PFKL: variants seen among roughly 807,000 people sequenced by gnomAD.
PFKL encodes the protein phosphofructokinase, liver type.
In PFKL, 74 loss-of-function variants were observed where a neutral mutation model predicts 92.1. The observed-to-expected ratio is 0.80, with a 90% confidence interval of 0.67 to 0.97. PFKL has a LOEUF of 0.97. Among genes scored for constraint, PFKL ranks in the 50% least tolerant of loss-of-function variants. The pLI is 0.00. For synonymous variants in PFKL, 494 were observed against 456.4 expected (o/e 1.08, Z -1.05); for missense variants, 1,028 against 1,116.6 (o/e 0.92, Z 1.13).
At chr21:44,306,026 G>T in intron 1 of PFKL, 1 of 1,021,968 alleles carries the variant, frequency 9.8e-7, no homozygotes, top group Non-Finnish European at 1.3e-6. Context: ...CCATCTCATT[G>T]CGGAGGAAGG....
At chr21:44,308,276 G>A (rs1277959118) in intron 2 of PFKL, among the ~76,000 whole-genome samples, 5 of 152,190 alleles carry the variant, frequency 3.3e-5, no homozygotes, top group African/African-American at 1.2e-4. Flanking sequence ...AGGCAAGGCT[G>A]AGAGCTTCCC....
Position 44,326,923 on chromosome 21 carries a change from A to G in PFKL, c.*61A>G. The G allele has an allele frequency of 6.8e-7, 1 of 1,474,598 alleles. No homozygotes were observed. Among genetic ancestry groups the G allele is most frequent in the Non-Finnish European group, 9.3e-7 (1 of 1,075,680 alleles). 91.3% of individuals were successfully genotyped at this position (1,474,598 alleles called of 1,614,324 possible). A position where few individuals can be genotyped will look rare whatever the true frequency, so the allele number is the denominator to read the frequency against. ...CCATGCCAGCGCAGCGCCAGGGCTC[A>G]GATGGGGCCTGGGCTGTTGTGTCTG... On this transcript the variant is annotated 3_prime_UTR_variant, in exon 22 of 22. Transcript: ENST00000349048.
chr21:44,323,850 A>G lies in PFKL; in HGVS notation c.1582A>G (p.Ile528Val), dbSNP rs760164686. Residue 528 changes from isoleucine to valine, a missense_variant, in exon 16 of 22, where the codon ATC becomes GTC. Ile to Val is a conservative substitution (Grantham distance 29). Transcript: ENST00000349048. The part of the protein sequence containing the change: ...CIVMCVIPAT[I>V]SNNVPGTDFS... Reference sequence around the variant, plus strand: ...CGTCATGTGTGTCATCCCAGCCACCATCAGCAACAACGTCCCTGGCACCGA... The same window carrying G: ...CGTCATGTGTGTCATCCCAGCCACCGTCAGCAACAACGTCCCTGGCACCGA... The G allele has an allele frequency of 6.2e-7, 1 of 1,613,562 alleles. No homozygotes were observed. The highest frequency in any genetic ancestry group is 8.5e-7 in the Non-Finnish European group (1 of 1,179,960).
chr21:44,318,104 C>T (rs2047257322), intron 9 of PFKL, among the ~76,000 whole-genome samples: 1 of 152,254 alleles, frequency 6.6e-6, no homozygotes, highest in Admixed American at 6.5e-5. Flanking sequence ...GAAGTCACGA[C>T]ATGAGGGCCT....
intron 1 of PFKL, among the ~76,000 whole-genome samples, chr21:44,303,212 G>A (rs1209669699): frequency 2.0e-5 from 3 of 150,124 alleles, no homozygotes; most frequent in East Asian, 1.9e-4. Flanking sequence ...TAGCCTGGGC[G>A]ACAGAGCGAG....
At chr21:44,318,924 T>G (rs921924876) in intron 10 of PFKL, among the ~76,000 whole-genome samples, 4 of 151,716 alleles carry the variant, frequency 2.6e-5, no homozygotes, top group South Asian at 2.1e-4. Flanking sequence ...GAGGGGCCAG[T>G]GATCAGAGCA....
Position 44,326,856 on chromosome 21 carries a change from C to T in PFKL, c.2337C>T (p.Gly779=). Residue 779 remains glycine, a synonymous_variant, in exon 22 of 22, where the codon GGC becomes GGT. Coordinates refer to ENST00000349048, the MANE Select transcript of PFKL (RefSeq NM_002626.6). The part of the protein sequence containing the change: ...VTRRTLSMDK[G]F ...GCCGCACCCTGAGCATGGACAAGGG[C>T]TTCTGAGGCCAGCCATGCCCACGCC... 4.4e-6 allele frequency: 7 copies of T among 1,607,746 alleles called. No homozygotes were observed. The highest frequency in any genetic ancestry group is 2.7e-5 in the African/African-American group (2 of 74,942).
At chr21:44,300,349 C>T (rs2040735676) in intron 1 of PFKL, among the ~76,000 whole-genome samples, 159 bp downstream of exon 1, 1 of 151,790 alleles carries the variant, frequency 6.6e-6, no homozygotes, top group Non-Finnish European at 1.5e-5. Flanking sequence ...GGTCTGTCCC[C>T]CGCTCTTCCC....
In PFKL at chr21:44,306,617, G is replaced by GGGA. The variant is rs977976175; in HGVS notation, c.86-62_86-61insAGG. 8 of 1,356,440 alleles carry GGGA rather than the reference G, an allele frequency of 5.9e-6. No individual in the cohort carries two copies. In the Middle Eastern group the frequency reaches 8.3e-4, roughly 140 times the overall value. The allele number at this position is 1,356,440 out of a possible 1,614,324, so 84.0% of individuals were successfully genotyped here. A position where few individuals can be genotyped will look rare whatever the true frequency, so the allele number is the denominator to read the frequency against. On this transcript the variant is annotated intron_variant, in intron 1 of 21. Coordinates refer to ENST00000349048, the MANE Select transcript of PFKL (RefSeq NM_002626.6). Reference sequence around the variant, plus strand: ...TCCCCTACCCCCTGTCCTCTGAGATGGGGAGGGTGTCCAGGGCCTTGCTTC... The same window carrying GGGA: ...TCCCCTACCCCCTGTCCTCTGAGATGGGAGGGAGGGTGTCCAGGGCCTTGCTTC...
intron 2 of PFKL, among the ~76,000 whole-genome samples, chr21:44,306,992 C>T (rs370166232): frequency 2.2e-4 from 33 of 152,278 alleles, no homozygotes; most frequent in Admixed American, 1.1e-3. Context: ...CTGCAGAGCA[C>T]GGGCCTGGGG....
intron 1 of PFKL, among the ~76,000 whole-genome samples, chr21:44,300,735 G>A (rs1362155093): frequency 1.5e-5 from 1 of 67,480 alleles, no homozygotes; most frequent in Non-Finnish European, 2.6e-5. Context: ...GGGCTGCCCG[G>A]GGCATTGAGC....
At chr21:44,306,816 G>T in intron 2 of PFKL, 62 bp downstream of exon 2, 1 of 1,387,406 alleles carries the variant, frequency 7.2e-7, no homozygotes, top group Non-Finnish European at 1.0e-6. Flanking sequence ...GCATGCCGAG[G>T]TGTGTTCTGT....
At chr21:44,323,422 A>T (rs899606993) in intron 15 of PFKL, among the ~76,000 whole-genome samples, 7 of 152,194 alleles carry the variant, frequency 4.6e-5, no homozygotes, top group African/African-American at 1.7e-4. Context: ...GCTGGACGGC[A>T]TCGCTGAACG....
chr21:44,311,689 C>T (rs962483321), intron 3 of PFKL, among the ~76,000 whole-genome samples: 2 of 152,188 alleles, frequency 1.3e-5, no homozygotes, highest in Admixed American at 1.3e-4. Context: ...CTGGCTGAGG[C>T]TGGCTATGAG....
chr21:44,307,117 C>T (rs138819456), intron 2 of PFKL: 291 of 189,668 alleles, frequency 1.5e-3, no homozygotes, highest in Non-Finnish European at 2.5e-3. Flanking sequence ...GCCCTTGTCC[C>T]GCCCCGAGGC....
intron 5 of PFKL, 36 bp from the exon 6 acceptor site, chr21:44,313,602 C>T (rs1360783209): frequency 1.9e-6 from 3 of 1,599,268 alleles, no homozygotes; most frequent in Non-Finnish European, 1.7e-6. Context: ...GGCCGTGTGG[C>T]TGGCACTGAT....
At chr21:44,310,687 G>A (rs981224617) in intron 2 of PFKL, among the ~76,000 whole-genome samples, 4 of 152,134 alleles carry the variant, frequency 2.6e-5, no homozygotes, top group East Asian at 3.9e-4. Context: ...GGCGGGCTCC[G>A]CTGGGGCCTT....
chr21:44,300,671 C>T (rs1405765568), intron 1 of PFKL, among the ~76,000 whole-genome samples: 3 of 152,374 alleles, frequency 2.0e-5, no homozygotes, highest in Non-Finnish European at 1.5e-5. Flanking sequence ...TCCTCGGGGC[C>T]CTCGCGGCCG....
chr21:44,313,589 C>T (rs368415364), intron 5 of PFKL, 49 bp from the exon 6 acceptor site: 3 of 1,579,462 alleles, frequency 1.9e-6, no homozygotes, highest in Non-Finnish European at 2.6e-6. Flanking sequence ...ATCGGGCTGG[C>T]AGGGCCGTGT....
Sources: gnomAD v4.1 joint callset for allele counts (sites outside exome capture counted in the v4.1 genomes callset) on GRCh38, gnomAD v4.1.1 for gene constraint, MANE v1.5 for transcripts, NCBI Gene and HGNC (gene_info 2026-07-23, HGNC 2026-07-21) for gene names.